GBE1: variants seen among roughly 807,000 people sequenced by gnomAD.
The protein encoded by GBE1 is 1,4-alpha-glucan-branching enzyme.
A neutral mutation model predicts 88.8 loss-of-function variants in GBE1; 70 were observed. The ratio of observed to expected loss-of-function variants is 0.79; its 90% CI spans 0.65 to 0.96. The LOEUF (loss-of-function observed/expected upper bound fraction) is 0.96, where lower values mean the gene tolerates loss of function less well. Ranked by LOEUF, GBE1 falls within the 40% of genes least tolerant of loss-of-function variation. The pLI is 0.00. For synonymous variants in GBE1, 284 were observed against 300.1 expected (o/e 0.95, Z 0.56); for missense variants, 872 against 871.0 (o/e 1.00, Z -0.01).
At chr3:81,657,735 A>T (rs981444246) in intron 3 of GBE1, among the ~76,000 whole-genome samples, 2 of 152,168 alleles carry the variant, frequency 1.3e-5, no homozygotes, top group Non-Finnish European at 2.9e-5. Flanking sequence ...TGTTAATTTT[A>T]TCTGGATAAT....
At chr3:81,753,390 G>A (rs917974880) in intron 1 of GBE1, among the ~76,000 whole-genome samples, 3 of 152,094 alleles carry the variant, frequency 2.0e-5, no homozygotes, top group Non-Finnish European at 2.9e-5. Context: ...TTTCTCCAAA[G>A]AATACACTTT....
At chr3:81,707,437 T>C (rs1406709473) in intron 1 of GBE1, among the ~76,000 whole-genome samples, 1 of 151,996 alleles carries the variant, frequency 6.6e-6, no homozygotes, top group African/African-American at 2.4e-5. Context: ...TTTCCATTTT[T>C]CTAAATGGCA....
At chr3:81,597,555 T>C (rs980344475) in intron 7 of GBE1, among the ~76,000 whole-genome samples, 3 of 149,454 alleles carry the variant, frequency 2.0e-5, no homozygotes, top group Non-Finnish European at 4.5e-5. Flanking sequence ...TTTTAGCTCT[T>C]AGCTTTATAT....
At chr3:81,501,826 T>C (rs115043719) in intron 14 of GBE1, among the ~76,000 whole-genome samples, 1,718 of 150,272 alleles carry the variant, frequency 0.011, 40 homozygotes, top group African/African-American at 0.039. Context: ...GCCTCTCAAG[T>C]AGTTGAGATC....
intron 1 of GBE1, 66 bp downstream of exon 1, chr3:81,761,309 G>A (rs1377116341): frequency 1.3e-6 from 2 of 1,537,586 alleles, no homozygotes; most frequent in Admixed American, 1.9e-5. Context: ...GGCGGCCCGT[G>A]TCCCGAGACG....
In GBE1 at chr3:81,499,257, G is replaced by C. The variant is rs779230899; in HGVS notation, c.1935-30C>G. 6.1e-6 allele frequency: 8 copies of C among 1,314,866 alleles called. No individual in the cohort carries two copies. The East Asian group carries it at 1.4e-4, about 23-fold the overall frequency. The allele number at this position is 1,314,866 out of a possible 1,614,324, so 81.4% of individuals were successfully genotyped here. ...AGCTCTTAAGGAATTCACAACAGTT[G>C]AGGAGTTGAATGAGACATTGTAAAA... is the stretch of plus-strand genomic sequence containing the variant. On this transcript the variant is annotated intron_variant, in intron 14 of 15. Transcript: ENST00000429644.
chr3:81,502,011 T>TC (rs1702593112), intron 14 of GBE1, among the ~76,000 whole-genome samples: 1 of 149,184 alleles, frequency 6.7e-6, no homozygotes, highest in African/African-American at 2.5e-5. Flanking sequence ...TTTTTTTTTT[T>TC]CTCTTAATAA....
chr3:81,507,373 G>T (rs1464690542), intron 14 of GBE1, among the ~76,000 whole-genome samples: 1 of 152,012 alleles, frequency 6.6e-6, no homozygotes, highest in Non-Finnish European at 1.5e-5. Context: ...GACCATCCTG[G>T]CTAACACTGT....
intron 12 of GBE1, among the ~76,000 whole-genome samples, chr3:81,570,961 T>C (rs533778700): frequency 1.3e-5 from 2 of 152,202 alleles, no homozygotes; most frequent in Admixed American, 1.3e-4. Flanking sequence ...AATGATAACA[T>C]GATTGCTTTT....
intron 7 of GBE1, among the ~76,000 whole-genome samples, chr3:81,615,380 T>C (rs1296004120): frequency 6.6e-6 from 1 of 152,088 alleles, no homozygotes; most frequent in African/African-American, 2.4e-5. Flanking sequence ...TACAGAACAA[T>C]TGTGTCACTA....
chr3:81,698,802 T>C lies in GBE1; in HGVS notation c.313+6642A>G, dbSNP rs925282781. 2.6e-5 allele frequency among the ~76,000 whole-genome samples: 4 copies of C among 152,280 alleles called. No individual in the cohort carries two copies. In the East Asian group the frequency reaches 7.7e-4, roughly 29 times the overall value. On this transcript the variant is annotated intron_variant, in intron 2 of 15. Coordinates refer to ENST00000429644, the MANE Select transcript of GBE1 (RefSeq NM_000158.4). ...CAGCGGCATTTACAATGAAATCTGT[T>C]AAGCAAAAGTAAGTTCACTATGTCT...
intron 14 of GBE1, among the ~76,000 whole-genome samples, chr3:81,503,818 G>C (rs1202112795): frequency 6.6e-6 from 1 of 152,104 alleles, no homozygotes; most frequent in African/African-American, 2.4e-5. Flanking sequence ...TTCTCAGGTT[G>C]AAATTCTTCA....
chr3:81,517,353 G>A (rs577822779), intron 14 of GBE1, among the ~76,000 whole-genome samples: 2 of 151,396 alleles, frequency 1.3e-5, no homozygotes, highest in Admixed American at 6.6e-5. Flanking sequence ...TTAGACATAA[G>A]GCTATTGCAC....
At chr3:81,573,840 T>G (rs1254128819) in intron 12 of GBE1, among the ~76,000 whole-genome samples, 1 of 151,916 alleles carries the variant, frequency 6.6e-6, no homozygotes, top group East Asian at 1.9e-4. Flanking sequence ...GTAAATTTCA[T>G]CTGATGCTCT....
At chr3:81,579,244 T>C (rs1703688286) in intron 11 of GBE1, among the ~76,000 whole-genome samples, 1 of 152,032 alleles carries the variant, frequency 6.6e-6, no homozygotes, top group Non-Finnish European at 1.5e-5. Flanking sequence ...ATTTTTACTA[T>C]AAATTATATG....
chr3:81,641,742 A>G (rs1247507665), intron 7 of GBE1, among the ~76,000 whole-genome samples: 1 of 151,964 alleles, frequency 6.6e-6, no homozygotes, highest in East Asian at 1.9e-4. Flanking sequence ...TCCTTCATAT[A>G]TAAGTCATCT....
Position 81,698,418 on chromosome 3 carries a change from A to G in GBE1, c.313+7026T>C, listed in dbSNP as rs1214711310. On this transcript the variant is annotated intron_variant, in intron 2 of 15. Coordinates refer to ENST00000429644, the MANE Select transcript of GBE1 (RefSeq NM_000158.4). ...AACATACATCTCCAATGCAACGTTT[A>G]TAATTCCCAACTCCCTCTGGACAAA... 5.3e-5 allele frequency among the ~76,000 whole-genome samples: 8 copies of G among 152,194 alleles called. No homozygotes were observed. The South Asian group carries it at 8.3e-4, about 16-fold the overall frequency.
Position 81,612,988 on chromosome 3 carries a change from A to G in GBE1, c.993-18965T>C, listed in dbSNP as rs868477381. 3.1e-5 allele frequency: 14 copies of G among 447,604 alleles called. No individual in the cohort carries two copies. The Middle Eastern group carries it at 5.0e-3, about 161-fold the overall frequency. The allele number at this position is 447,604 out of a possible 1,614,324, so 27.7% of individuals were successfully genotyped here. On this transcript the variant is annotated intron_variant, in intron 7 of 15. Coordinates refer to ENST00000429644, the MANE Select transcript of GBE1 (RefSeq NM_000158.4). ...GACGCAAAGGAGGAAGGATTAGAAG[A>G]TACTGATGAAGTAGGGGATAAGGAT...
At position 81,737,944 on chromosome 3, in the gene GBE1, C is replaced by T. The variant is rs144324823; in HGVS notation, c.143+23431G>A. ...CAGTCCCCAGAGTGTGATGTTCCCC[C>T]TCCTGTGTCCATGTGTTCTCATTGT... On this transcript the variant is annotated intron_variant, in intron 1 of 15. Transcript: ENST00000429644. Among the ~76,000 whole-genome samples the T allele has an allele frequency of 9.2e-5, 14 of 151,880 alleles. 1 individual carries two copies. Among genetic ancestry groups the T allele is most frequent in the Admixed American group, 2.6e-4 (4 of 15,234 alleles).
Sources: gnomAD v4.1 joint callset for allele counts (sites outside exome capture counted in the v4.1 genomes callset) on GRCh38, gnomAD v4.1.1 for gene constraint, MANE v1.5 for transcripts, NCBI Gene and HGNC (gene_info 2026-07-23, HGNC 2026-07-21) for gene names.